The following CPEB4 variants were observed in gnomAD, a reference collection of about 807,000 sequenced individuals.
CPEB4 encodes cytoplasmic polyadenylation element binding protein 4, also known as cytoplasmic polyadenylation element-binding protein 4.
In CPEB4, 12 loss-of-function variants were observed where a neutral mutation model predicts 72.5. That is an observed-to-expected ratio of 0.17 (90% CI 0.11 to 0.27). The LOEUF is 0.27. CPEB4 is among the 10% of genes least tolerant of loss of function. The pLI is 1.00. For synonymous variants in CPEB4, 302 were observed against 326.3 expected, an observed-to-expected ratio of 0.93 and a Z score of 0.80; for missense variants, 614 against 908.5, an observed-to-expected ratio of 0.68 and a Z score of 4.17.
At chr5:173,925,839 A>G (rs944846054) in intron 2 of CPEB4, among the ~76,000 whole-genome samples, 1 of 152,230 alleles carries the variant, frequency 6.6e-6, no homozygotes, top group Non-Finnish European at 1.5e-5. Flanking sequence ...CTAGTTAGGC[A>G]ATCAACAACT....
intron 3 of CPEB4, among the ~76,000 whole-genome samples, chr5:173,939,467 C>T (rs1233544963): frequency 6.6e-6 from 1 of 152,038 alleles, no homozygotes; most frequent in Non-Finnish European, 1.5e-5. Flanking sequence ...GAAAAAAGTA[C>T]TTTTTATGGG....
At chr5:173,915,822 C>T (rs1235361599) in intron 2 of CPEB4, among the ~76,000 whole-genome samples, 7 of 152,302 alleles carry the variant, frequency 4.6e-5, no homozygotes, top group Middle Eastern at 6.8e-3. Flanking sequence ...AAACCACATG[C>T]GAGTACATCT....
intron 2 of CPEB4, among the ~76,000 whole-genome samples, chr5:173,930,115 C>G (rs1007762273): frequency 6.6e-6 from 1 of 150,430 alleles, no homozygotes; most frequent in Non-Finnish European, 1.5e-5. Context: ...AGAGCAGTGG[C>G]GAGATCTCAG....
chr5:173,907,352 G>T (rs1327492871), intron 1 of CPEB4, among the ~76,000 whole-genome samples: 1 of 152,192 alleles, frequency 6.6e-6, no homozygotes, highest in Non-Finnish European at 1.5e-5. Context: ...GAGGCTTCTT[G>T]ACTTACTGGA....
At chr5:173,896,156 A>G (rs1473691136) in intron 1 of CPEB4, among the ~76,000 whole-genome samples, 1 of 152,060 alleles carries the variant, frequency 6.6e-6, no homozygotes, top group Non-Finnish European at 1.5e-5. Context: ...TCGCTGTCAT[A>G]TTTTTTCAGC....
Position 173,890,606 on chromosome 5 carries a change from G to A in CPEB4, c.873G>A (p.Pro291=), listed in dbSNP as rs761051244. ...CTCCGTGGAGCAGCTACCAGAGTCC[G>A]TCACCAACACCCTCCTCTTCCTGGA... ...PPSPWSSYQS[P]SPTPSSSWSP... The change falls in exon 1 of 10, where the codon CCG becomes CCA. Residue 291 remains proline, a synonymous_variant. Coordinates refer to ENST00000265085, the MANE Select transcript of CPEB4 (RefSeq NM_030627.4). The A allele has an allele frequency of 4.7e-5, 76 of 1,613,818 alleles. No individual in the cohort carries two copies. The highest frequency in any genetic ancestry group is 5.8e-5 in the Non-Finnish European group (69 of 1,179,952).
chr5:173,945,685 A>G (rs1757993328), intron 5 of CPEB4, among the ~76,000 whole-genome samples: 1 of 152,262 alleles, frequency 6.6e-6, no homozygotes, highest in Non-Finnish European at 1.5e-5. Flanking sequence ...CAATGTATAA[A>G]TATGCAAGAA....
intron 2 of CPEB4, among the ~76,000 whole-genome samples, chr5:173,915,559 A>G (rs1273731283): frequency 1.3e-5 from 2 of 152,026 alleles, no homozygotes; most frequent in Admixed American, 6.6e-5. Context: ...TTTGCTGCAC[A>G]CTCAGTCTCA....
At chr5:173,953,324 G>A (rs185432546) in intron 9 of CPEB4, 52 bp downstream of exon 9, 8 of 1,332,186 alleles carry the variant, frequency 6.0e-6, no homozygotes, top group East Asian at 4.7e-5. Context: ...CTCTAAATGT[G>A]TGATTACCAA....
rs1192380345 is a variant in CPEB4, at chr5:173,956,246, G to A, written c.*109G>A. ...CTGGCATGTCCTTTTGTAGCAGTCTGTAACTTAACTATAGTATAATGAAAA... is the reference window on the plus strand; with the variant it reads ...CTGGCATGTCCTTTTGTAGCAGTCTATAACTTAACTATAGTATAATGAAAA... On this transcript the variant is annotated 3_prime_UTR_variant, in exon 10 of 10. Coordinates refer to ENST00000265085, the MANE Select transcript of CPEB4 (RefSeq NM_030627.4). 1 of 774,222 alleles carries A rather than the reference G, an allele frequency of 1.3e-6. No homozygotes were observed. Among genetic ancestry groups the A allele is most frequent in the African/African-American group, 1.7e-5 (1 of 57,872 alleles). 48.0% of individuals were successfully genotyped at this position (774,222 alleles called of 1,614,324 possible). A position where few individuals can be genotyped will look rare whatever the true frequency, so the allele number is the denominator to read the frequency against.
intron 2 of CPEB4, among the ~76,000 whole-genome samples, chr5:173,912,872 G>A (rs1756712957): frequency 6.9e-6 from 1 of 144,910 alleles, no homozygotes; most frequent in Non-Finnish European, 1.5e-5. Flanking sequence ...GGCCCAGAAG[G>A]TTGAGGCTGC....
In CPEB4 at chr5:173,956,229, T is replaced by C; in HGVS notation, c.*92T>C. On this transcript the variant is annotated 3_prime_UTR_variant, in exon 10 of 10. Coordinates refer to ENST00000265085, the MANE Select transcript of CPEB4 (RefSeq NM_030627.4). Reference sequence around the variant, plus strand: ...TCCTCAACCTCTTCACGCTGGCATGTCCTTTTGTAGCAGTCTGTAACTTAA... The same window carrying C: ...TCCTCAACCTCTTCACGCTGGCATGCCCTTTTGTAGCAGTCTGTAACTTAA... 2.1e-6 allele frequency: 2 copies of C among 949,516 alleles called. No individual in the cohort carries two copies. Among genetic ancestry groups the C allele is most frequent in the South Asian group, 2.8e-5 (2 of 70,244 alleles). The allele number at this position is 949,516 out of a possible 1,614,324, so 58.8% of individuals were successfully genotyped here. A position where few individuals can be genotyped will look rare whatever the true frequency, so the allele number is the denominator to read the frequency against.
chr5:173,892,618 T>C (rs1481613579), intron 1 of CPEB4, among the ~76,000 whole-genome samples: 1 of 152,188 alleles, frequency 6.6e-6, no homozygotes, highest in Non-Finnish European at 1.5e-5. Flanking sequence ...ACACAGTGAA[T>C]TTATGTGGCC....
intron 1 of CPEB4, among the ~76,000 whole-genome samples, chr5:173,891,835 T>G (rs1168696400): frequency 6.6e-6 from 1 of 152,204 alleles, no homozygotes; most frequent in Non-Finnish European, 1.5e-5. Flanking sequence ...GAATCTAGCA[T>G]TGAATCTAGT....
chr5:173,940,049 A>C (rs1455627193), intron 3 of CPEB4, among the ~76,000 whole-genome samples: 1 of 151,996 alleles, frequency 6.6e-6, no homozygotes. Context: ...CAGAGGTTGC[A>C]GTGAGCTGAG....
chr5:173,921,479 C>T (rs1245009087), intron 2 of CPEB4, among the ~76,000 whole-genome samples: 2 of 152,152 alleles, frequency 1.3e-5, no homozygotes, highest in Non-Finnish European at 2.9e-5. Flanking sequence ...TGACGCTCTC[C>T]TAAATTGTCC....
At chr5:173,899,058 T>C (rs1561605693) in intron 1 of CPEB4, among the ~76,000 whole-genome samples, 1 of 152,256 alleles carries the variant, frequency 6.6e-6, no homozygotes, top group Non-Finnish European at 1.5e-5. Context: ...CTGATTTTCT[T>C]GAACACTGCT....
chr5:173,940,046 T>C (rs924434131), intron 3 of CPEB4, among the ~76,000 whole-genome samples: 3 of 151,376 alleles, frequency 2.0e-5, no homozygotes, highest in Non-Finnish European at 4.4e-5. Context: ...AGGCAGAGGT[T>C]GCAGTGAGCT....
chr5:173,953,939 G>A (rs1185319910), intron 9 of CPEB4, among the ~76,000 whole-genome samples: 2 of 152,136 alleles, frequency 1.3e-5, no homozygotes, highest in Non-Finnish European at 2.9e-5. Flanking sequence ...TTAGTTTGTA[G>A]TGAGATAGGA....
Sources: allele counts gnomAD v4.1 joint callset (sites outside exome capture counted in the v4.1 genomes callset), GRCh38; gene constraint gnomAD v4.1.1; transcripts MANE v1.5; gene names NCBI Gene and HGNC (gene_info 2026-07-23, HGNC 2026-07-21).